The following PCNX1 variants were observed in gnomAD, a reference collection of about 807,000 sequenced individuals.
PCNX1 encodes pecanex 1.
In PCNX1, 78 loss-of-function variants were observed where a neutral mutation model predicts 242.2. The ratio of observed to expected loss-of-function variants is 0.32; its 90% CI spans 0.27 to 0.39. The LOEUF is 0.39. PCNX1 is among the 10% of genes least tolerant of loss of function. The pLI is 1.00. For synonymous variants in PCNX1, 1,024 were observed against 1,032.9 expected (o/e 0.99, Z 0.17); for missense variants, 2,581 against 2,856.5 (o/e 0.90, Z 2.20).
intron 26 of PCNX1, among the ~76,000 whole-genome samples, chr14:71,062,344 A>G (rs1004668141): frequency 6.6e-6 from 1 of 151,680 alleles, no homozygotes; most frequent in Non-Finnish European, 1.5e-5. Flanking sequence ...GACCTTGGCT[A>G]GTGTGTGTGT....
intron 1 of PCNX1, among the ~76,000 whole-genome samples, chr14:70,936,130 ATTTT>A (rs374758493): frequency 6.6e-6 from 1 of 152,028 alleles, no homozygotes; most frequent in Non-Finnish European, 1.5e-5. Flanking sequence ...TTTTATTTTT[ATTTT>A]TTATTTTTTA....
Position 70,995,847 on chromosome 14 carries a change from A to G in PCNX1, c.2551A>G (p.Arg851Gly), listed in dbSNP as rs1004319106. The G allele has an allele frequency of 6.2e-7, 1 of 1,614,042 alleles. No homozygotes were observed. ...VLSASASLLV[R>G]NGSVHLEASH... is the part of the protein sequence containing the mutation. ...CAGTGCTAGTGCCTCCTTGCTGGTG[A>G]GAAATGGGAGTGTCCACTTAGAAGC... The change falls in exon 8 of 36, where the codon AGA (arginine) becomes GGA (glycine). Residue 851 changes from arginine to glycine, a missense_variant. Transcript: ENST00000304743.
At chr14:71,091,407 G>A (rs2062126743) in intron 30 of PCNX1, among the ~76,000 whole-genome samples, 1 of 152,152 alleles carries the variant, frequency 6.6e-6, no homozygotes, top group Non-Finnish European at 1.5e-5. Flanking sequence ...ACTTCTAGAT[G>A]TTTATACAAC....
rs1425306495 is a variant in PCNX1, at chr14:70,978,617, T to C, written c.2280T>C (p.Pro760=). 1 of 1,613,532 alleles carries C rather than the reference T, an allele frequency of 6.2e-7. No individual in the cohort carries two copies. Among genetic ancestry groups the C allele is most frequent in the Admixed American group, 1.7e-5 (1 of 59,968 alleles). The part of the protein sequence containing the change: ...RNSLPNQVAF[P]EGEEQDAVSG... The stretch of plus-strand genomic sequence containing the variant: ...GCTTGCCAAACCAGGTTGCATTTCC[T>C]GAAGGGGAAGAGCAAGATGCAGTCA... Residue 760 remains proline, a synonymous_variant, in exon 6 of 36, where the codon CCT becomes CCC. Coordinates refer to ENST00000304743, the MANE Select transcript of PCNX1 (RefSeq NM_014982.3).
At chr14:71,012,567 C>T (rs180734780) in intron 10 of PCNX1, 76 of 226,774 alleles carry the variant, frequency 3.4e-4, no homozygotes, top group Non-Finnish European at 5.8e-4. Context: ...CGCAGTGGCT[C>T]CTGCCTGTAA....
intron 30 of PCNX1, among the ~76,000 whole-genome samples, chr14:71,099,700 T>G (rs1474961743): frequency 6.6e-6 from 1 of 152,208 alleles, no homozygotes; most frequent in Non-Finnish European, 1.5e-5. Flanking sequence ...ACTATTACTA[T>G]GTGGCTAAGT....
At chr14:71,083,258 G>A (rs926822561) in intron 28 of PCNX1, among the ~76,000 whole-genome samples, 18 of 152,130 alleles carry the variant, frequency 1.2e-4, no homozygotes, top group African/African-American at 4.1e-4. Context: ...TGGGTAATCC[G>A]ACCTTTCTCT....
rs544902682 is a variant in PCNX1, at chr14:71,082,555, A to G, written c.5338-5775A>G. Among the ~76,000 whole-genome samples, 14 of 152,244 alleles carry G rather than the reference A, an allele frequency of 9.2e-5. No homozygotes were observed. In the South Asian group the frequency reaches 1.2e-3, roughly 14 times the overall value. ...GGGTGCTCCTGTATTGGGTGTATATATATTTAGGATAGTTGGCTCTTCTCG... is the reference window on the plus strand; with the variant it reads ...GGGTGCTCCTGTATTGGGTGTATATGTATTTAGGATAGTTGGCTCTTCTCG... On this transcript the variant is annotated intron_variant, in intron 28 of 35. Transcript: ENST00000304743.
chr14:71,051,737 C>G, intron 23 of PCNX1, 146 bp from the exon 24 acceptor site: 1 of 696,218 alleles, frequency 1.4e-6, no homozygotes, highest in Middle Eastern at 2.6e-4. Flanking sequence ...AATGACTGCC[C>G]AGTGATATAC....
chr14:70,952,030 T>A (rs1212090737), intron 2 of PCNX1, among the ~76,000 whole-genome samples: 1 of 152,216 alleles, frequency 6.6e-6, no homozygotes. Flanking sequence ...GGCTTCTTAA[T>A]TGTAAGACAT....
intron 34 of PCNX1, 101 bp from the exon 35 acceptor site, chr14:71,109,350 TA>T: frequency 9.2e-7 from 1 of 1,083,108 alleles, no homozygotes; most frequent in Non-Finnish European, 1.3e-6. Context: ...TATAGGAATT[TA>T]AAAAGTAATT....
chr14:70,910,447 AT>A (rs2055846614), intron 1 of PCNX1, among the ~76,000 whole-genome samples: 1 of 151,532 alleles, frequency 6.6e-6, no homozygotes. Flanking sequence ...CCACACACAC[AT>A]TTGCCGCCTT....
At chr14:70,938,940 A>G (rs1231950778) in intron 1 of PCNX1, among the ~76,000 whole-genome samples, 2 of 152,088 alleles carry the variant, frequency 1.3e-5, no homozygotes, top group Non-Finnish European at 2.9e-5. Flanking sequence ...GTATTCTCTG[A>G]TGGTAGTTTG....
chr14:71,109,145 C>G, intron 34 of PCNX1, 99 bp downstream of exon 34: 1 of 1,034,128 alleles, frequency 9.7e-7, no homozygotes, highest in Non-Finnish European at 1.4e-6. Flanking sequence ...CACACCTTAT[C>G]TTAGTCTCAG....
chr14:70,945,213 T>G (rs2057409832), intron 1 of PCNX1, among the ~76,000 whole-genome samples: 1 of 152,154 alleles, frequency 6.6e-6, no homozygotes, highest in African/African-American at 2.4e-5. Flanking sequence ...AGTTTGGAGA[T>G]TCCAAGGATT....
chr14:70,960,880 CAGAG>C (rs1489656849), intron 2 of PCNX1, among the ~76,000 whole-genome samples: 19 of 151,932 alleles, frequency 1.3e-4, no homozygotes, highest in African/African-American at 3.1e-4. Flanking sequence ...AACAGACAAA[CAGAG>C]AGCCAAATCA....
chr14:71,001,402 G>A (rs185624793), intron 8 of PCNX1, among the ~76,000 whole-genome samples: 42 of 152,198 alleles, frequency 2.8e-4, no homozygotes, highest in Admixed American at 2.3e-3. Flanking sequence ...TGGGAGGATC[G>A]CCACAAATAT....
chr14:70,910,050 C>CTCACCAGCACCATCATCATCACGGCCAT (rs2055767550), intron 1 of PCNX1, among the ~76,000 whole-genome samples: 1 of 79,836 alleles, frequency 1.3e-5, no homozygotes, highest in Non-Finnish European at 2.7e-5. Flanking sequence ...TCCTCCTCCT[C>CTCACCAGCACCATCATCATCACGGCCAT]CTCCTCCTCC....
At chr14:71,056,937 G>A (rs1233581918) in intron 25 of PCNX1, among the ~76,000 whole-genome samples, 1 of 152,042 alleles carries the variant, frequency 6.6e-6, no homozygotes, top group African/African-American at 2.4e-5. Context: ...GCCTCCCAAA[G>A]TGCTGAGATT....
Sources: allele counts gnomAD v4.1 joint callset (sites outside exome capture counted in the v4.1 genomes callset), GRCh38; gene constraint gnomAD v4.1.1; transcripts MANE v1.5; gene names NCBI Gene and HGNC (gene_info 2026-07-23, HGNC 2026-07-21).